Variants in MDGA2 observed in about 807,000 individuals in gnomAD.
The protein encoded by MDGA2 is MAM domain containing glycosylphosphatidylinositol anchor 2.
A neutral mutation model predicts 117.8 loss-of-function variants in MDGA2; 40 were observed. The ratio of observed to expected loss-of-function variants is 0.34; its 90% CI spans 0.26 to 0.44. MDGA2 has a LOEUF of 0.44. Among genes scored for constraint, MDGA2 ranks in the 20% least tolerant of loss-of-function variants. The pLI is 1.00. For synonymous variants in MDGA2, 452 were observed against 439.0 expected (o/e 1.03, Z -0.37); for missense variants, 1,123 against 1,250.6 (o/e 0.90, Z 1.54).
chr14:47,023,444 T>C (rs1212807405), intron 8 of MDGA2, among the ~76,000 whole-genome samples: 3 of 152,138 alleles, frequency 2.0e-5, no homozygotes, highest in Admixed American at 6.5e-5. Flanking sequence ...GTCTAAATGC[T>C]TTTTAGGCAT....
At chr14:47,121,960 G>A (rs1478738789) in intron 5 of MDGA2, among the ~76,000 whole-genome samples, 1 of 151,902 alleles carries the variant, frequency 6.6e-6, no homozygotes, top group Non-Finnish European at 1.5e-5. Flanking sequence ...GCACAATCAG[G>A]TATTAATCTT....
intron 1 of MDGA2, chr14:47,305,286 A>T (rs563381790): frequency 6.6e-6 from 1 of 152,314 alleles, no homozygotes; most frequent in East Asian, 1.9e-4. Context: ...TCAATTCATC[A>T]TCCTTAAATT....
At position 47,177,096 on chromosome 14, in the gene MDGA2, A is replaced by T. The variant is rs1428536649; in HGVS notation, c.596-32822T>A. The stretch of plus-strand genomic sequence containing the variant: ...TCAGAGAAATGCAAATCAAAACCAC[A>T]ATGAGATACCATCTCACACCAGTTA... On this transcript the variant is annotated intron_variant, in intron 3 of 16. Coordinates refer to ENST00000399232, the MANE Select transcript of MDGA2 (RefSeq NM_001113498.3). 3.9e-5 allele frequency among the ~76,000 whole-genome samples: 6 copies of T among 152,306 alleles called. No homozygotes were observed. In the East Asian group the frequency reaches 1.2e-3, roughly 29 times the overall value.
intron 1 of MDGA2, among the ~76,000 whole-genome samples, chr14:47,628,481 T>C (rs1897192636): frequency 6.6e-6 from 1 of 152,218 alleles, no homozygotes. Flanking sequence ...TTCATTATTC[T>C]TGACGAATTG....
At chr14:47,108,561 C>T (rs952200565) in intron 5 of MDGA2, among the ~76,000 whole-genome samples, 111 of 145,506 alleles carry the variant, frequency 7.6e-4, no homozygotes, top group East Asian at 2.4e-3. Flanking sequence ...GAGCACCTTG[C>T]GACCCCCACT....
Position 46,884,069 on chromosome 14 carries a change from A to C in MDGA2, c.2239-1848T>G, listed in dbSNP as rs996147779. Among the ~76,000 whole-genome samples the C allele has an allele frequency of 6.6e-5, 10 of 152,088 alleles. No individual in the cohort carries two copies. The highest frequency in any genetic ancestry group is 1.5e-4 in the Non-Finnish European group (10 of 68,002). Reference sequence around the variant, plus strand: ...TATTATTGGGGGTTATCTGTGGCCTATGACAAAGACATATTCTGTATAGAT... The same window carrying C: ...TATTATTGGGGGTTATCTGTGGCCTCTGACAAAGACATATTCTGTATAGAT... On this transcript the variant is annotated intron_variant, in intron 10 of 16. Coordinates refer to ENST00000399232, the MANE Select transcript of MDGA2 (RefSeq NM_001113498.3). The surrounding 1 kb of genome is among the most constrained non-coding windows in gnomAD (Gnocchi z 4.1).
At chr14:47,019,486 C>T (rs888232842) in intron 8 of MDGA2, among the ~76,000 whole-genome samples, 1 of 152,126 alleles carries the variant, frequency 6.6e-6, no homozygotes, top group South Asian at 2.1e-4. Context: ...ATTACTTTCT[C>T]ACCAACCTAA....
intron 10 of MDGA2, among the ~76,000 whole-genome samples, chr14:46,910,591 C>T (rs2138479363): frequency 6.6e-6 from 1 of 152,246 alleles, no homozygotes; most frequent in Non-Finnish European, 1.5e-5. Context: ...GATGCCCTCT[C>T]ACCACTCTTA....
At chr14:47,050,521 C>T (rs1432807229) in intron 7 of MDGA2, among the ~76,000 whole-genome samples, 3 of 151,952 alleles carry the variant, frequency 2.0e-5, no homozygotes, top group South Asian at 2.1e-4. Flanking sequence ...TTCTGTTATA[C>T]ACTGAAATAA....
At chr14:47,162,164 C>T (rs1406544252) in intron 3 of MDGA2, among the ~76,000 whole-genome samples, 2 of 151,948 alleles carry the variant, frequency 1.3e-5, no homozygotes, top group Non-Finnish European at 2.9e-5. Context: ...CCAGGCTGGT[C>T]TGGATCTCCC....
At chr14:47,394,687 A>G (rs1243008562) in intron 1 of MDGA2, among the ~76,000 whole-genome samples, 3 of 152,186 alleles carry the variant, frequency 2.0e-5, no homozygotes, top group East Asian at 1.9e-4. Flanking sequence ...TGAGAATTTC[A>G]TAACTATATA....
intron 1 of MDGA2, among the ~76,000 whole-genome samples, chr14:47,381,347 G>A (rs1891620345): frequency 6.6e-6 from 1 of 152,188 alleles, no homozygotes; most frequent in Admixed American, 6.5e-5. Context: ...CATAGCGTTG[G>A]AAGTTCTGGC....
At chr14:46,871,447 C>T (rs931703989) in intron 14 of MDGA2, 1 of 151,824 alleles carries the variant, frequency 6.6e-6, no homozygotes, top group Non-Finnish European at 1.5e-5. Context: ...TAACTAAAGT[C>T]CTTTGTATTT....
chr14:47,340,286 A>G (rs1450200598), intron 1 of MDGA2, among the ~76,000 whole-genome samples: 1 of 152,134 alleles, frequency 6.6e-6, no homozygotes, highest in Admixed American at 6.6e-5. Context: ...GCATAAACCA[A>G]TTTATAAATA....
chr14:47,242,194 T>G (rs1887064346), intron 2 of MDGA2, among the ~76,000 whole-genome samples: 1 of 152,062 alleles, frequency 6.6e-6, no homozygotes, highest in Admixed American at 6.5e-5. Context: ...TGCTTTTCAA[T>G]AATTACGTAG....
At chr14:47,098,094 CAA>C (rs1880080969) in intron 5 of MDGA2, among the ~76,000 whole-genome samples, 1 of 151,260 alleles carries the variant, frequency 6.6e-6, no homozygotes, top group Non-Finnish European at 1.5e-5. Flanking sequence ...AATATTTTGT[CAA>C]AGTTAGAGCT....
chr14:47,149,613 A>T (rs2139223838), intron 3 of MDGA2, among the ~76,000 whole-genome samples: 2 of 152,236 alleles, frequency 1.3e-5, no homozygotes, highest in African/African-American at 4.8e-5. Flanking sequence ...TAGCATTCCC[A>T]CTTCTCTGAG....
intron 1 of MDGA2, among the ~76,000 whole-genome samples, chr14:47,327,829 T>C (rs534026349): frequency 2.2e-4 from 34 of 152,298 alleles, no homozygotes; most frequent in African/African-American, 7.9e-4. Flanking sequence ...CTCATCATCA[T>C]TTACATAGAA....
chr14:47,602,919 T>C (rs1896674586), intron 1 of MDGA2, among the ~76,000 whole-genome samples: 2 of 152,176 alleles, frequency 1.3e-5, no homozygotes, highest in Admixed American at 6.5e-5. Context: ...CCAAGTGAAG[T>C]ACTTGGTACG....
Sources: gnomAD v4.1 joint callset for allele counts (sites outside exome capture counted in the v4.1 genomes callset) on GRCh38, gnomAD v4.1.1 for gene constraint, Gnocchi (gnomAD v3.1) non-coding constraint, MANE v1.5 for transcripts, NCBI Gene and HGNC (gene_info 2026-07-23, HGNC 2026-07-21) for gene names.